The following DCAF12L2 variants were observed in gnomAD, a reference collection of about 807,000 sequenced individuals.
DCAF12L2 encodes the protein DDB1- and CUL4-associated factor 12-like protein 2.
DCAF12L2 carries 16 observed loss-of-function variants against 20.2 expected under a neutral mutation model. The observed-to-expected ratio is 0.79, with a 90% CI of 0.54 to 1.20. DCAF12L2 has a LOEUF of 1.20. Ranked by LOEUF, DCAF12L2 falls within the 50% of genes most tolerant of loss-of-function variation. DCAF12L2 has a pLI of 0.00. For synonymous variants in DCAF12L2, 195 were observed against 190.0 expected, an observed-to-expected ratio of 1.03 and a Z score of -0.22; for missense variants, 355 against 404.8, an observed-to-expected ratio of 0.88 and a Z score of 1.06.
Position 126,166,265 on chromosome X carries a change from A to T in DCAF12L2, c.-341T>A, listed in dbSNP as rs1435093804. Among the ~76,000 whole-genome samples the T allele has an allele frequency of 9.1e-6, 1 of 109,915 alleles. No homozygotes were observed. The highest frequency in any genetic ancestry group is 1.9e-5 in the Non-Finnish European group (1 of 52,515). On this transcript the variant is annotated 5_prime_UTR_variant, in exon 1 of 1. Coordinates refer to ENST00000360028, the MANE Select transcript of DCAF12L2 (RefSeq NM_001013628.3). ...GAGAGCGGGAAGAGTGTCTGTCTGG[A>T]TGGCTGCGGGAGCGAAGTCAGTGTG...
chrX:126,164,551 G>A lies in DCAF12L2; in HGVS notation c.1374C>T (p.Tyr458=). 1 of 1,210,641 alleles carries A rather than the reference G, an allele frequency of 8.3e-7. No homozygotes were observed. The highest frequency in any genetic ancestry group is 1.1e-6 in the Non-Finnish European group (1 of 894,922). Reference sequence around the variant, plus strand: ...TCCATCCTTAACTCCAGAGGCCTGCGTAGTTCCCATGGAGGCCTGAAGGGA... The same window carrying A: ...TCCATCCTTAACTCCAGAGGCCTGCATAGTTCCCATGGAGGCCTGAAGGGA... The part of the protein sequence containing the change: ...GPLPSGLHGN[Y]AGLWS Residue 458 remains tyrosine, a synonymous_variant, in exon 1 of 1, where the codon TAC becomes TAT. Transcript: ENST00000360028.
At position 126,165,826 on chromosome X, in the gene DCAF12L2, T is replaced by C. The variant is rs1177804085; in HGVS notation, c.99A>G (p.Gly33=). The change falls in exon 1 of 1, where the codon GGA becomes GGG. Residue 33 remains glycine, a synonymous_variant. Transcript: ENST00000360028. Reference sequence around the variant, plus strand: ...GCTTCTTGGGTAGCAGAGGCCCCTCTCCGTCCGCCGCCGCTAAACCCTGCG... The same window carrying C: ...GCTTCTTGGGTAGCAGAGGCCCCTCCCCGTCCGCCGCCGCTAAACCCTGCG... ...SSSQGLAAAD[G]EGPLLPKKQK... The C allele has an allele frequency of 5.8e-6, 7 of 1,204,957 alleles. No homozygotes were observed. The highest frequency in any genetic ancestry group is 7.8e-6 in the Non-Finnish European group (7 of 894,280).
chrX:126,165,546 A>T lies in DCAF12L2; in HGVS notation c.379T>A (p.Ser127Thr). 1 of 1,212,218 alleles carries T rather than the reference A, an allele frequency of 8.2e-7. No individual in the cohort carries two copies. Among genetic ancestry groups the T allele is most frequent in the Non-Finnish European group, 1.1e-6 (1 of 895,490 alleles). ...CNTLFVVDVQ[S>T]GHITRIPLMR... ...AGGGGGATGCGCGTGATGTGGCCTG[A>T]CTGCACGTCCACCACAAACAGCGTA... Residue 127 changes from serine to threonine, a missense_variant, in exon 1 of 1, where the codon TCA becomes ACA. Physicochemically the swap from Ser to Thr is moderately conservative, Grantham distance 58. Coordinates refer to ENST00000360028, the MANE Select transcript of DCAF12L2 (RefSeq NM_001013628.3).
Position 126,165,238 on chromosome X carries a change from G to T in DCAF12L2, c.687C>A (p.Gly229=), listed in dbSNP as rs1927800313. ...CCACCTCGCTGTGCCAGGCAATGCT[G>T]CCATTAAACATGTCTGGGTCCATCC... The part of the protein sequence containing the change: ...LWRMDPDMFN[G]SIAWHSEVGL... Residue 229 remains glycine (G), a synonymous_variant, in exon 1 of 1, where the codon GGC becomes GGA. Transcript: ENST00000360028. 2 of 1,211,037 alleles carry T rather than the reference G, an allele frequency of 1.7e-6. No individual in the cohort carries two copies. The highest frequency in any genetic ancestry group is 2.2e-6 in the Non-Finnish European group (2 of 895,374).
In DCAF12L2 at chrX:126,165,407, C is replaced by T. The variant is rs1327799760; in HGVS notation, c.518G>A (p.Ser173Asn). 2 of 1,210,768 alleles carry T rather than the reference C, an allele frequency of 1.7e-6. No homozygotes were observed. Among genetic ancestry groups the T allele is most frequent in the South Asian group, 1.8e-5 (1 of 56,898 alleles). ...LLATGGENPNSLAIYQLPTLD... is the reference protein window; with the variant it reads ...LLATGGENPNNLAIYQLPTLD... ...GGTGGGCAGCTGGTAGATGGCCAGG[C>T]TGTTGGGGTTTTCGCCGCCGGTGGC... Residue 173 changes from serine to asparagine, a missense_variant, in exon 1 of 1, where the codon AGC becomes AAC. By Grantham distance (46) the Ser-to-Asn change is conservative (BLOSUM62 1). Transcript: ENST00000360028.
In DCAF12L2 at chrX:126,164,337, G is replaced by A; in HGVS notation, c.*196C>T. On this transcript the variant is annotated 3_prime_UTR_variant, in exon 1 of 1. Coordinates refer to ENST00000360028, the MANE Select transcript of DCAF12L2 (RefSeq NM_001013628.3). ...AAAGCCAAAGTTTTGACTGCCGAAA[G>A]GACCACTTGTGCTCTCTCGCTCCCG... 1 of 463,157 alleles carries A rather than the reference G, an allele frequency of 2.2e-6. No individual in the cohort carries two copies. Among genetic ancestry groups the A allele is most frequent in the Non-Finnish European group, 3.4e-6 (1 of 297,934 alleles). 38.2% of individuals were successfully genotyped at this position (463,157 alleles called of 1,213,427 possible).
Position 126,165,946 on chromosome X carries a change from A to T in DCAF12L2, c.-22T>A. 2 of 1,008,802 alleles carry T rather than the reference A, an allele frequency of 2.0e-6. No individual in the cohort carries two copies. The highest frequency in any genetic ancestry group is 7.7e-5 in the East Asian group (2 of 26,104). 83.1% of individuals were successfully genotyped at this position (1,008,802 alleles called of 1,213,427 possible). On this transcript the variant is annotated 5_prime_UTR_variant, in exon 1 of 1. Coordinates refer to ENST00000360028, the MANE Select transcript of DCAF12L2 (RefSeq NM_001013628.3). The stretch of plus-strand genomic sequence containing the variant: ...CCATGGTGGGCGGCGGGCGATCTGC[A>T]GCAGCGGCGGCGGCGGCGGCGGCGG...
In DCAF12L2 at chrX:126,166,119, T is replaced by G; in HGVS notation, c.-195A>C. 2.9e-6 allele frequency: 1 copy of G among 344,916 alleles called. No individual in the cohort carries two copies. Among genetic ancestry groups the G allele is most frequent in the Non-Finnish European group, 3.7e-6 (1 of 268,104 alleles). The allele number at this position is 344,916 out of a possible 1,213,427, so 28.4% of individuals were successfully genotyped here. A position where few individuals can be genotyped will look rare whatever the true frequency, so the allele number is the denominator to read the frequency against. ...GCGATCGCGGGCGCCCAGACTTCAG[T>G]CTGAGGCTCGGCGGCGGCGGCGGCG... On this transcript the variant is annotated 5_prime_UTR_variant, in exon 1 of 1. Transcript: ENST00000360028.
In DCAF12L2 at chrX:126,163,774, C is replaced by T. The variant is rs1407377763; in HGVS notation, c.*759G>A. On this transcript the variant is annotated 3_prime_UTR_variant, in exon 1 of 1. Coordinates refer to ENST00000360028, the MANE Select transcript of DCAF12L2 (RefSeq NM_001013628.3). ...AGAAAAGCAGGCCATAATACAGCGGCTTTAAATAAGAACACGGAGGGCCTG... is the reference window on the plus strand; with the variant it reads ...AGAAAAGCAGGCCATAATACAGCGGTTTTAAATAAGAACACGGAGGGCCTG... 8.9e-6 allele frequency: 1 copy of T among 112,012 alleles called. No individual in the cohort carries two copies. Among genetic ancestry groups the T allele is most frequent in the Non-Finnish European group, 1.9e-5 (1 of 53,252 alleles). The allele number at this position is 112,012 out of a possible 1,213,427, so 9.2% of individuals were successfully genotyped here.
Position 126,164,896 on chromosome X carries a change from G to A in DCAF12L2, c.1029C>T (p.Pro343=), listed in dbSNP as rs780113329. The A allele has an allele frequency of 8.3e-7, 1 of 1,211,249 alleles. No individual in the cohort carries two copies. Among genetic ancestry groups the A allele is most frequent in the Non-Finnish European group, 1.1e-6 (1 of 895,454 alleles). The change falls in exon 1 of 1, where the codon CCC becomes CCT. Residue 343 remains proline, a synonymous_variant. Transcript: ENST00000360028. ...CTGTGCCACCCTCTCGAGAGCACAG[G>A]GGCCGGATGTTCTGCTGGCGCTGGC... The part of the protein sequence containing the change: ...DPRQRQQNIR[P]LCSREGGTGV...
At position 126,164,389 on chromosome X, in the gene DCAF12L2, T is replaced by A. The variant is rs1467834403; in HGVS notation, c.*144A>T. 20 of 750,999 alleles carry A rather than the reference T, an allele frequency of 2.7e-5. No individual in the cohort carries two copies. The highest frequency in any genetic ancestry group is 3.2e-5 in the Non-Finnish European group (17 of 529,618). 61.9% of individuals were successfully genotyped at this position (750,999 alleles called of 1,213,427 possible). ...TCTCTCTCTTTCTTTCTCTGCCTAATACATTAAGCACACGTAAGTTGGACT... is the reference window on the plus strand; with the variant it reads ...TCTCTCTCTTTCTTTCTCTGCCTAAAACATTAAGCACACGTAAGTTGGACT... On this transcript the variant is annotated 3_prime_UTR_variant, in exon 1 of 1. Transcript: ENST00000360028.
Position 126,164,403 on chromosome X carries a change from G to A in DCAF12L2, c.*130C>T, listed in dbSNP as rs1037070506. On this transcript the variant is annotated 3_prime_UTR_variant, in exon 1 of 1. Coordinates refer to ENST00000360028, the MANE Select transcript of DCAF12L2 (RefSeq NM_001013628.3). ...TCTCTGCCTAATACATTAAGCACAC[G>A]TAAGTTGGACTGGTTCCACCTGGAA... is the stretch of plus-strand genomic sequence containing the variant. 4.7e-6 allele frequency: 4 copies of A among 856,644 alleles called. No individual in the cohort carries two copies. In the East Asian group the frequency reaches 1.0e-4, roughly 22 times the overall value. The allele number at this position is 856,644 out of a possible 1,213,427, so 70.6% of individuals were successfully genotyped here.
chrX:126,164,193 A>G lies in DCAF12L2; in HGVS notation c.*340T>C. On this transcript the variant is annotated 3_prime_UTR_variant, in exon 1 of 1. Coordinates refer to ENST00000360028, the MANE Select transcript of DCAF12L2 (RefSeq NM_001013628.3). ...AGTAGTGAAGACTATGACTACATCA[A>G]CCTAAAGAAGGAGGGTATGTGAATC... 4.3e-6 allele frequency: 1 copy of G among 231,961 alleles called. No individual in the cohort carries two copies. Among genetic ancestry groups the G allele is most frequent in the Non-Finnish European group, 7.7e-6 (1 of 130,451 alleles). The allele number at this position is 231,961 out of a possible 1,213,427, so 19.1% of individuals were successfully genotyped here.
rs913055570 is a variant in DCAF12L2, at chrX:126,163,658, A to T, written c.*875T>A. 9.0e-6 allele frequency: 1 copy of T among 111,609 alleles called. No homozygotes were observed. The highest frequency in any genetic ancestry group is 3.3e-5 in the African/African-American group (1 of 30,675). The allele number at this position is 111,609 out of a possible 1,213,427, so 9.2% of individuals were successfully genotyped here. The stretch of plus-strand genomic sequence containing the variant: ...TAAATAGCTACCTGAATTTAAAGAG[A>T]TGTGTACCCCATATACCCCCAAAAA... On this transcript the variant is annotated 3_prime_UTR_variant, in exon 1 of 1. Coordinates refer to ENST00000360028, the MANE Select transcript of DCAF12L2 (RefSeq NM_001013628.3).
Position 126,164,692 on chromosome X carries a change from G to C in DCAF12L2, c.1233C>G (p.Leu411=), listed in dbSNP as rs369815270. 26 of 1,211,031 alleles carry C rather than the reference G, an allele frequency of 2.1e-5. No individual in the cohort carries two copies. The highest frequency in any genetic ancestry group is 3.5e-5 in the South Asian group (2 of 56,925). Residue 411 remains leucine (L), a synonymous_variant, in exon 1 of 1, where the codon CTC becomes CTG. Coordinates refer to ENST00000360028, the MANE Select transcript of DCAF12L2 (RefSeq NM_001013628.3). Reference sequence around the variant, plus strand: ...AGTTCACCCAGACGTCATCTTGGTTGAGCCAGCCTCTGCCGCAGGCAAGCT... The same window carrying C: ...AGTTCACCCAGACGTCATCTTGGTTCAGCCAGCCTCTGCCGCAGGCAAGCT... The part of the protein sequence containing the change: ...KLKLACGRGW[L]NQDDVWVNYF...
At position 126,165,802 on chromosome X, in the gene DCAF12L2, C is replaced by T; in HGVS notation, c.123G>A (p.Lys41=). The T allele has an allele frequency of 2.5e-6, 3 of 1,209,129 alleles. No homozygotes were observed. Among genetic ancestry groups the T allele is most frequent in the Non-Finnish European group, 3.4e-6 (3 of 895,152 alleles). Residue 41 remains lysine, a synonymous_variant, in exon 1 of 1, where the codon AAG becomes AAA. Coordinates refer to ENST00000360028, the MANE Select transcript of DCAF12L2 (RefSeq NM_001013628.3). ...ADGEGPLLPK[K]QKRPATRRRL... ...TGCGACGCGTCGCCGGCCGCTTCTG[C>T]TTCTTGGGTAGCAGAGGCCCCTCTC... is the stretch of plus-strand genomic sequence containing the variant.
At position 126,166,233 on chromosome X, in the gene DCAF12L2, C is replaced by T. The variant is rs767402465; in HGVS notation, c.-309G>A. 1 of 117,560 alleles carries T rather than the reference C, an allele frequency of 8.5e-6. No individual in the cohort carries two copies. The highest frequency in any genetic ancestry group is 1.7e-5 in the Non-Finnish European group (1 of 57,941). 9.7% of individuals were successfully genotyped at this position (117,560 alleles called of 1,213,427 possible). On this transcript the variant is annotated 5_prime_UTR_variant, in exon 1 of 1. Transcript: ENST00000360028. ...GCAAGGGCGGCAGTGGCGGTGCAGA[C>T]CTAGGCGAGAGCGGGAAGAGTGTCT...
At position 126,166,132 on chromosome X, in the gene DCAF12L2, G is replaced by T. The variant is rs1332960357; in HGVS notation, c.-208C>A. 6 of 284,753 alleles carry T rather than the reference G, an allele frequency of 2.1e-5. No individual in the cohort carries two copies. The highest frequency in any genetic ancestry group is 2.8e-5 in the Non-Finnish European group (6 of 210,936). 23.5% of individuals were successfully genotyped at this position (284,753 alleles called of 1,213,427 possible). On this transcript the variant is annotated 5_prime_UTR_variant, in exon 1 of 1. Transcript: ENST00000360028. ...CCCAGACTTCAGTCTGAGGCTCGGCGGCGGCGGCGGCGGCAGCGGTCGTCC... is the reference window on the plus strand; with the variant it reads ...CCCAGACTTCAGTCTGAGGCTCGGCTGCGGCGGCGGCGGCAGCGGTCGTCC...
In DCAF12L2 at chrX:126,164,661, C is replaced by T. The variant is rs1413040556; in HGVS notation, c.1264G>A (p.Gly422Ser). The T allele has an allele frequency of 3.3e-6, 4 of 1,209,749 alleles. No individual in the cohort carries two copies. Among genetic ancestry groups the T allele is most frequent in the Non-Finnish European group, 4.5e-6 (4 of 894,943 alleles). ...GCATTGGGGAACTCTCCCATGCCAC[C>T]AAAGTAGTTCACCCAGACGTCATCT... ...NQDDVWVNYF[G>S]GMGEFPNALY... The change falls in exon 1 of 1, where the codon GGT becomes AGT. Residue 422 changes from glycine to serine, a missense_variant. By Grantham distance (56) the Gly-to-Ser change is moderately conservative (BLOSUM62 0). Coordinates refer to ENST00000360028, the MANE Select transcript of DCAF12L2 (RefSeq NM_001013628.3).
Sources: gnomAD v4.1 joint callset for allele counts (sites outside exome capture counted in the v4.1 genomes callset) on GRCh38, gnomAD v4.1.1 for gene constraint, MANE v1.5 for transcripts, NCBI Gene and HGNC (gene_info 2026-07-23, HGNC 2026-07-21) for gene names.